The following TUB variants were observed in gnomAD, a reference collection of about 807,000 sequenced individuals.
TUB encodes the protein tubby protein homolog.
TUB carries 33 observed loss-of-function variants against 59.7 expected under a neutral mutation model. The ratio of observed to expected loss-of-function variants is 0.55; its 90% CI spans 0.42 to 0.74. The LOEUF is 0.74. Ranked by LOEUF, TUB falls within the 30% of genes least tolerant of loss-of-function variation. The pLI, the probability that TUB is intolerant of heterozygous loss-of-function variation, is 0.00. For missense variants in TUB, 659 were observed against 672.0 expected (o/e 0.98, Z 0.21); for synonymous variants, 293 against 256.4 (o/e 1.14, Z -1.36).
chr11:8,081,884 G>C (rs1349785166), intron 1 of TUB, among the ~76,000 whole-genome samples: 3 of 152,176 alleles, frequency 2.0e-5, no homozygotes, highest in Admixed American at 2.0e-4. Context: ...GCCTGTGCAG[G>C]GTGCGCGCAC....
rs762696992 is a variant in TUB, at chr11:8,096,710, C to CGAGGATGAG, written c.606_614dup (p.Asp202_Glu204dup). 2.7e-5 allele frequency: 43 copies of CGAGGATGAG among 1,612,756 alleles called. No individual in the cohort carries two copies. Among genetic ancestry groups the CGAGGATGAG allele is most frequent in the African/African-American group, 6.7e-5 (5 of 74,976 alleles). ...GCATCTCCAGCAGCATGAGCTTTGA[C>CGAGGATGAG]GAGGATGAGGAGGATGAGGAGGAGA... On this transcript the variant is annotated inframe_insertion, in exon 6 of 12. Coordinates refer to ENST00000299506, the MANE Select transcript of TUB (RefSeq NM_177972.3).
rs1944387486 is a variant in TUB at position 8,103,325 on chromosome 11, T to C, written c.*1706T>C. On this transcript the variant is annotated 3_prime_UTR_variant, in exon 12 of 12. Coordinates refer to ENST00000299506, the MANE Select transcript of TUB (RefSeq NM_177972.3). ...TTCTTGCCCAGATAGAGATCTGAAA[T>C]TGGTGGGAAGCAAGCAGGGGTCGTA... 6.6e-6 allele frequency: 1 copy of C among 152,176 alleles called. No individual in the cohort carries two copies. The highest frequency in any genetic ancestry group is 1.5e-5 in the Non-Finnish European group (1 of 68,018). 9.4% of individuals were successfully genotyped at this position (152,176 alleles called of 1,614,324 possible). A position where few individuals can be genotyped will look rare whatever the true frequency, so the allele number is the denominator to read the frequency against.
At chr11:8,021,179 T>C (rs1273456100) in intron 1 of TUB, among the ~76,000 whole-genome samples, 5 of 152,220 alleles carry the variant, frequency 3.3e-5, no homozygotes, top group African/African-American at 9.6e-5. Context: ...AATGAGGTAA[T>C]AGGCCTGGCG....
chr11:8,032,401 C>T (rs551221302), intron 1 of TUB, among the ~76,000 whole-genome samples: 3 of 152,292 alleles, frequency 2.0e-5, no homozygotes, highest in East Asian at 1.9e-4. Context: ...TCAGCATGGA[C>T]GGACACTCCT....
intron 1 of TUB, among the ~76,000 whole-genome samples, chr11:8,030,825 C>T (rs1465436741): frequency 2.0e-5 from 3 of 152,140 alleles, no homozygotes; most frequent in Non-Finnish European, 4.4e-5. Context: ...TGCAAGGTCA[C>T]GTTCCTCTAC....
chr11:8,076,238 T>C (rs1357223258), upstream of TUB: 1 of 152,184 alleles, frequency 6.6e-6, no homozygotes, highest in African/African-American at 2.4e-5. Flanking sequence ...AGCAGCACTC[T>C]TGCTGCTCTT....
At chr11:8,038,191 T>C (rs1942679603), upstream of TUB, among the ~76,000 whole-genome samples, 2 of 152,092 alleles carry the variant, frequency 1.3e-5, no homozygotes, top group African/African-American at 4.8e-5. Context: ...CTGTGGGACA[T>C]CCGGGGTGCA....
intron 2 of TUB, among the ~76,000 whole-genome samples, chr11:8,060,989 C>T (rs1027545372): frequency 2.6e-5 from 4 of 152,190 alleles, no homozygotes; most frequent in African/African-American, 7.2e-5. Flanking sequence ...GTGGATGCCG[C>T]TCAGTTTGCC....
chr11:8,082,149 C>T (rs944802861), intron 1 of TUB, among the ~76,000 whole-genome samples: 1 of 152,216 alleles, frequency 6.6e-6, no homozygotes, highest in Non-Finnish European at 1.5e-5. Context: ...ACCTGCTTCT[C>T]ACTCACAAGT....
chr11:8,039,713 G>A, intron 2 of TUB: 7 of 1,510,988 alleles, frequency 4.6e-6, no homozygotes, highest in African/African-American at 1.4e-5. Context: ...GGGGAGGAGG[G>A]CGTGCCGGCC....
intron 2 of TUB, among the ~76,000 whole-genome samples, chr11:8,043,425 A>G (rs1942783646): frequency 6.6e-6 from 1 of 152,094 alleles, no homozygotes; most frequent in African/African-American, 2.4e-5. Context: ...TTTTTCTTAC[A>G]AATTTTAGAA....
chr11:8,100,757 T>C lies in TUB; in HGVS notation c.1216-69T>C, dbSNP rs563071925. 1.3e-4 allele frequency: 201 copies of C among 1,586,822 alleles called. No homozygotes were observed. The South Asian group carries it at 1.8e-3, about 14-fold the overall frequency. The stretch of plus-strand genomic sequence containing the variant: ...AATCCAAGGACCCCCATTCCCGGGA[T>C]AGATCCCTTTCTGGGGTGGTCATGG... On this transcript the variant is annotated intron_variant, in intron 10 of 11. Transcript: ENST00000299506.
chr11:8,031,920 C>G (rs532042363), intron 1 of TUB, among the ~76,000 whole-genome samples: 1 of 152,188 alleles, frequency 6.6e-6, no homozygotes, highest in South Asian at 2.1e-4. Context: ...TCGCCTTCCG[C>G]GGGGTGTCAT....
intron 2 of TUB, among the ~76,000 whole-genome samples, chr11:8,053,737 G>T (rs907453371): frequency 1.3e-5 from 2 of 149,972 alleles, no homozygotes; most frequent in Non-Finnish European, 3.0e-5. Flanking sequence ...TCCTGACCTC[G>T]CGATCCGCCT....
chr11:8,048,535 G>A (rs1942875525), intron 2 of TUB, among the ~76,000 whole-genome samples: 1 of 152,026 alleles, frequency 6.6e-6, no homozygotes, highest in African/African-American at 2.4e-5. Context: ...CTGAGGACCT[G>A]GAACTGTAGG....
At chr11:8,057,252 A>T (rs1382749862) in intron 2 of TUB, among the ~76,000 whole-genome samples, 1 of 152,192 alleles carries the variant, frequency 6.6e-6, no homozygotes, top group Non-Finnish European at 1.5e-5. Context: ...GTTATTAAGC[A>T]TCAAACTGGC....
rs201264006 is a variant in TUB, at chr11:8,039,720, G to C, written c.203+28G>C. ...GAGCTGGAGGGGAGGAGGGCGTGCCGGCCCTGGGAAAGGGCCAACCACAGG... is the reference window on the plus strand; with the variant it reads ...GAGCTGGAGGGGAGGAGGGCGTGCCCGCCCTGGGAAAGGGCCAACCACAGG... On this transcript the variant is annotated intron_variant, in intron 2 of 12. Coordinates refer to the TUB transcript ENST00000305253. The C allele has an allele frequency of 1.1e-5, 17 of 1,496,174 alleles. No homozygotes were observed. In the East Asian group the frequency reaches 3.8e-4, roughly 33 times the overall value. 92.7% of individuals were successfully genotyped at this position (1,496,174 alleles called of 1,614,324 possible).
upstream of TUB, among the ~76,000 whole-genome samples, chr11:8,034,374 G>A (rs557848722): frequency 2.0e-5 from 3 of 152,288 alleles, no homozygotes; most frequent in South Asian, 6.2e-4. Context: ...TCTAGGAAGA[G>A]GGTGAGCATT....
chr11:8,099,810 A>G (rs1338940053), intron 9 of TUB, among the ~76,000 whole-genome samples: 1 of 152,186 alleles, frequency 6.6e-6, no homozygotes, highest in East Asian at 1.9e-4. Flanking sequence ...GAAGTGAAAA[A>G]CAGCAGTGTA....
Sources: gnomAD v4.1 joint callset for allele counts (sites outside exome capture counted in the v4.1 genomes callset) on GRCh38, gnomAD v4.1.1 for gene constraint, MANE v1.5 for transcripts, NCBI Gene and HGNC (gene_info 2026-07-23, HGNC 2026-07-21) for gene names.